The following HEATR4 variants were observed in gnomAD, a reference collection of about 807,000 sequenced individuals.
HEATR4 encodes the protein HEAT repeat-containing protein 4.
HEATR4 carries 95 observed loss-of-function variants against 108.8 expected under a neutral mutation model. That is an observed-to-expected ratio of 0.87 (90% CI 0.74 to 1.04). The LOEUF (loss-of-function observed/expected upper bound fraction) is 1.04. Ranked by LOEUF, HEATR4 falls within the 50% of genes least tolerant of loss-of-function variation. The pLI is 0.00. For synonymous variants in HEATR4, 443 were observed against 459.4 expected, an observed-to-expected ratio of 0.96 and a Z score of 0.46; for missense variants, 1,152 against 1,253.8, an observed-to-expected ratio of 0.92 and a Z score of 1.23.
intron 13 of HEATR4, 73 bp downstream of exon 13, chr14:73,498,998 C>G: frequency 7.8e-7 from 1 of 1,281,398 alleles, no homozygotes. Flanking sequence ...TAGAGAGTTT[C>G]AGGGGATCAT....
intron 4 of HEATR4, among the ~76,000 whole-genome samples, chr14:73,519,659 G>A (rs1454959603): frequency 6.6e-6 from 1 of 152,152 alleles, no homozygotes; most frequent in Non-Finnish European, 1.5e-5. Flanking sequence ...GGAGGTGGAG[G>A]TTGCAGTGAA....
the HEATR4 span, among the ~76,000 whole-genome samples, chr14:73,630,077 T>C: frequency 1.3e-5 from 2 of 151,420 alleles, no homozygotes; most frequent in East Asian, 3.9e-4. Flanking sequence ...GAAATATGAT[T>C]GGACAAAAAG....
the HEATR4 span, among the ~76,000 whole-genome samples, chr14:73,600,928 G>A: frequency 6.6e-6 from 1 of 151,926 alleles, no homozygotes; most frequent in African/African-American, 2.4e-5. Context: ...CACCTGAGAG[G>A]TCAGGAGTTC....
At chr14:73,624,288 A>G in the HEATR4 span, among the ~76,000 whole-genome samples, 2 of 151,456 alleles carry the variant, frequency 1.3e-5, no homozygotes, top group Non-Finnish European at 2.9e-5. Context: ...ACACCCAGCT[A>G]ATCTTTTTGT....
chr14:73,589,656 C>T, the HEATR4 span, among the ~76,000 whole-genome samples: 1 of 152,146 alleles, frequency 6.6e-6, no homozygotes, highest in South Asian at 2.1e-4. Flanking sequence ...TTTAAGTAAA[C>T]TGACATGTAT....
intron 5 of HEATR4, among the ~76,000 whole-genome samples, chr14:73,515,328 G>C (rs1204039958): frequency 6.6e-6 from 1 of 152,030 alleles, no homozygotes; most frequent in Admixed American, 6.6e-5. Context: ...GATTTGCTCT[G>C]AATCAATTCT....
In HEATR4 at chr14:73,558,736, T is replaced by A. The variant is rs1222322955; in HGVS notation, c.-152+15A>T. The A allele has an allele frequency of 6.6e-6, 1 of 151,376 alleles. No homozygotes were observed. The highest frequency in any genetic ancestry group is 6.6e-5 in the Admixed American group (1 of 15,136). The allele number at this position is 151,376 out of a possible 1,614,324, so 9.4% of individuals were successfully genotyped here. On this transcript the variant is annotated intron_variant, in intron 1 of 17. Coordinates refer to ENST00000553558, the MANE Select transcript of HEATR4 (RefSeq NM_001220484.1). ...TAAGATCACCATACTGCTTGGTATCTAAAGTAGTACTGACCCTTTTGACAC... is the reference window on the plus strand; with the variant it reads ...TAAGATCACCATACTGCTTGGTATCAAAAGTAGTACTGACCCTTTTGACAC...
chr14:73,490,978 C>A, intron 17 of HEATR4: 2 of 1,319,362 alleles, frequency 1.5e-6, no homozygotes, highest in South Asian at 2.3e-5. Context: ...TTAGCTTCGC[C>A]CCCGGCCGGC....
At chr14:73,595,377 GAAGT>G in the HEATR4 span, 6 of 1,614,244 alleles carry the variant, frequency 3.7e-6, no homozygotes, top group Non-Finnish European at 5.1e-6. Flanking sequence ...CATAACTGGA[GAAGT>G]GAGTTGTATG....
the HEATR4 span, chr14:73,612,428 C>A: frequency 2.0e-6 from 1 of 493,998 alleles, no homozygotes; most frequent in East Asian, 3.5e-5. Context: ...CCCCACGCAG[C>A]GGCCTGGAGC....
Position 73,495,277 on chromosome 14 carries a change from TC to T in HEATR4, c.2735del (p.Gly912GlufsTer6), listed in dbSNP as rs1442435855. On this transcript the variant is annotated frameshift_variant, in exon 16 of 18. Transcript: ENST00000553558. LOFTEE classifies it high-confidence loss of function. ...EAKRVYLKPKGEQGPLTLQTL... is the reference protein window; with the variant it reads ...EAKRVYLKPKXEQGPLTLQTL... ...TCTGGAGTGTTAGTGGTCCTTGTTC[TC>T]CTTTGGGTTTCAAGTAAACACGTTT... 1 of 1,614,078 alleles carries T rather than the reference TC, an allele frequency of 6.2e-7. No individual in the cohort carries two copies. Among genetic ancestry groups the T allele is most frequent in the South Asian group, 1.1e-5 (1 of 91,078 alleles).
the HEATR4 span, among the ~76,000 whole-genome samples, chr14:73,630,658 A>T: frequency 6.6e-6 from 1 of 152,218 alleles, no homozygotes; most frequent in Admixed American, 6.5e-5. Flanking sequence ...CAGTCAAATA[A>T]GGTAGATCAG....
At chr14:73,607,875 C>A in the HEATR4 span, among the ~76,000 whole-genome samples, 1 of 151,860 alleles carries the variant, frequency 6.6e-6, no homozygotes, top group African/African-American at 2.4e-5. Context: ...CCACCCACCT[C>A]GGCCTCCCAA....
At chr14:73,482,243 C>T (rs1007153996) in intron 17 of HEATR4, among the ~76,000 whole-genome samples, 1 of 151,912 alleles carries the variant, frequency 6.6e-6, no homozygotes, top group Non-Finnish European at 1.5e-5. Context: ...AAAATTAGGC[C>T]GGGCACAGTG....
the HEATR4 span, among the ~76,000 whole-genome samples, chr14:73,620,630 C>T: frequency 1.3e-5 from 2 of 151,748 alleles, no homozygotes; most frequent in Admixed American, 6.6e-5. Context: ...TGCAATGGTA[C>T]GAGCTCAGCT....
chr14:73,520,807 C>T (rs1198900991), intron 4 of HEATR4, 45 bp downstream of exon 4: 3 of 1,549,606 alleles, frequency 1.9e-6, no homozygotes, highest in Non-Finnish European at 2.7e-6. Flanking sequence ...ACCTTCCTGG[C>T]CCATGTCCCC....
At chr14:73,621,737 A>G in the HEATR4 span, among the ~76,000 whole-genome samples, 1 of 147,418 alleles carries the variant, frequency 6.8e-6, no homozygotes, top group Non-Finnish European at 1.5e-5. Flanking sequence ...TTCACCTTGT[A>G]GTATAATTTT....
At chr14:73,585,329 C>T in the HEATR4 span, among the ~76,000 whole-genome samples, 1 of 152,152 alleles carries the variant, frequency 6.6e-6, no homozygotes, top group Non-Finnish European at 1.5e-5. Context: ...GCTCAGGACA[C>T]TTTCTGGGGT....
the HEATR4 span, chr14:73,574,510 G>T: frequency 2.9e-6 from 1 of 348,852 alleles, no homozygotes; most frequent in African/African-American, 2.1e-5. Context: ...TGATCCACCC[G>T]CCTCAGCCTC....
Sources: gnomAD v4.1 joint callset for allele counts (sites outside exome capture counted in the v4.1 genomes callset) on GRCh38, gnomAD v4.1.1 for gene constraint, MANE v1.5 for transcripts, NCBI Gene and HGNC (gene_info 2026-07-23, HGNC 2026-07-21) for gene names.